RDH16: variants seen among roughly 807,000 people sequenced by gnomAD.
RDH16 encodes the protein human epidermal retinol dehydrogenase.
RDH16 carries 25 observed loss-of-function variants against 22.3 expected under a neutral mutation model. That is an observed-to-expected ratio of 1.12 (90% CI 0.82 to 1.56). The LOEUF is 1.56. Ranked by LOEUF, RDH16 falls within the 40% of genes most tolerant of loss-of-function variation. The pLI is 0.00. For synonymous variants in RDH16, 154 were observed against 164.4 expected (o/e 0.94, Z 0.48); for missense variants, 413 against 394.9 (o/e 1.05, Z -0.39).
Position 56,951,799 on chromosome 12 carries a change from G to T in RDH16, c.*230C>A. 1 of 565,054 alleles carries T rather than the reference G, an allele frequency of 1.8e-6. No individual in the cohort carries two copies. The highest frequency in any genetic ancestry group is 3.2e-6 in the Non-Finnish European group (1 of 315,282). 35.0% of individuals were successfully genotyped at this position (565,054 alleles called of 1,614,324 possible). A position where few individuals can be genotyped will look rare whatever the true frequency, so the allele number is the denominator to read the frequency against. The stretch of plus-strand genomic sequence containing the variant: ...ACCCACGGTGACAATGCACCCAGGA[G>T]CACTATTTGGTCCCTGTTTCTCAGC... On this transcript the variant is annotated 3_prime_UTR_variant, in exon 4 of 4. Transcript: ENST00000398138.
chr12:56,955,348 A>G (rs1408450972), intron 1 of RDH16, among the ~76,000 whole-genome samples, 184 bp from the exon 2 acceptor site: 1 of 152,192 alleles, frequency 6.6e-6, no homozygotes, highest in Non-Finnish European at 1.5e-5. Context: ...CTGGTGGGCC[A>G]CAAAACCCAG....
At position 56,951,959 on chromosome 12, in the gene RDH16, T is replaced by A. The variant is rs141279283; in HGVS notation, c.*70A>T. On this transcript the variant is annotated 3_prime_UTR_variant, in exon 4 of 4. Coordinates refer to ENST00000398138, the MANE Select transcript of RDH16 (RefSeq NM_003708.5). ...GACGGCTCCCTCCCTCCACTTTATA[T>A]CTCTCCCAAGGATACACCACCCCTC... The A allele has an allele frequency of 5.7e-6, 8 of 1,403,502 alleles. No homozygotes were observed. The African/African-American group carries it at 8.5e-5, about 15-fold the overall frequency. The allele number at this position is 1,403,502 out of a possible 1,614,324, so 86.9% of individuals were successfully genotyped here.
At chr12:56,954,041 G>C (rs1326597673) in intron 2 of RDH16, among the ~76,000 whole-genome samples, 1 of 152,164 alleles carries the variant, frequency 6.6e-6, no homozygotes, top group African/African-American at 2.4e-5. Flanking sequence ...AATTCTGCTG[G>C]GAAAGACCAT....
At chr12:56,952,741 A>G in intron 3 of RDH16, 86 bp downstream of exon 3, 2 of 1,478,776 alleles carry the variant, frequency 1.4e-6, no homozygotes, top group Non-Finnish European at 9.1e-7. Context: ...TGGGGATCAA[A>G]CTCTAATGCC....
At chr12:56,952,703 G>C in intron 3 of RDH16, 124 bp downstream of exon 3, 5 of 1,210,506 alleles carry the variant, frequency 4.1e-6, no homozygotes, top group Non-Finnish European at 5.7e-6. Flanking sequence ...GGGGCTAAAG[G>C]TCTCCACTCT....
chr12:56,953,161 C>T lies in RDH16; in HGVS notation c.573-171G>A, dbSNP rs1955898737. Among the ~76,000 whole-genome samples the T allele has an allele frequency of 2.0e-5, 3 of 152,292 alleles. No individual in the cohort carries two copies. In the South Asian group the frequency reaches 6.2e-4, roughly 32 times the overall value. ...GGGTCATAATTATCATGGTGGCATT[C>T]CCTCTGTATGGAGTTTCCATATTTT... On this transcript the variant is annotated intron_variant, in intron 2 of 3. Transcript: ENST00000398138.
At position 56,952,445 on chromosome 12, in the gene RDH16, A is replaced by G. The variant is rs186436594; in HGVS notation, c.737-199T>C. Among the ~76,000 whole-genome samples, 105 of 152,222 alleles carry G rather than the reference A, an allele frequency of 6.9e-4. 1 individual carries two copies. The highest frequency in any genetic ancestry group is 3.1e-3 in the Admixed American group (47 of 15,292). ...AGTAGCAAGTGTCTCACACTAAGTC[A>G]TGTCTGTCTCTCTTTGGGAATATCT... is the stretch of plus-strand genomic sequence containing the variant. On this transcript the variant is annotated intron_variant, in intron 3 of 3. Transcript: ENST00000398138.
At position 56,952,873 on chromosome 12, in the gene RDH16, G is replaced by A. The variant is rs999184629; in HGVS notation, c.690C>T (p.Ser230=). ...CATAGGCCTCCTTGACCTCTGGACTGGACCGGTCCCAAATCTCCAGGAAGC... is the reference window on the plus strand; with the variant it reads ...CATAGGCCTCCTTGACCTCTGGACTAGACCGGTCCCAAATCTCCAGGAAGC... The part of the protein sequence containing the change: ...LKSFLEIWDR[S]SPEVKEAYGE... Residue 230 remains serine (S), a synonymous_variant, in exon 3 of 4, where the codon TCC becomes TCT. Coordinates refer to ENST00000398138, the MANE Select transcript of RDH16 (RefSeq NM_003708.5). 6.2e-6 allele frequency: 10 copies of A among 1,614,066 alleles called. No individual in the cohort carries two copies. The highest frequency in any genetic ancestry group is 8.5e-6 in the Non-Finnish European group (10 of 1,180,018).
chr12:56,957,329 A>G lies in RDH16; in HGVS notation c.134T>C (p.Leu45Pro), dbSNP rs1433945634. Residue 45 changes from leucine (L) to proline (P), a missense_variant, in exon 1 of 4, where the codon CTG becomes CCG. Physicochemically the swap from Leu to Pro is moderately conservative, Grantham distance 98 (BLOSUM62 -3). Transcript: ENST00000398138. The stretch of plus-strand genomic sequence containing the variant: ...GCCTCGTGCATCCAGCTGTCTGGCC[A>G]GCAGTTTCCCGAAGCCAGAGTCACA... Reference protein sequence around the residue: ...TGCDSGFGKLLARQLDARGLR... With the variant: ...TGCDSGFGKLPARQLDARGLR... 2 of 1,614,190 alleles carry G rather than the reference A, an allele frequency of 1.2e-6. No individual in the cohort carries two copies. The highest frequency in any genetic ancestry group is 4.5e-5 in the East Asian group (2 of 44,888).
intron 1 of RDH16, among the ~76,000 whole-genome samples, chr12:56,956,022 C>CA (rs1955925467): frequency 6.6e-6 from 1 of 152,178 alleles, no homozygotes; most frequent in Non-Finnish European, 1.5e-5. Context: ...GGCAGGAGCA[C>CA]AGGGTCCCTT....
At chr12:56,952,702 G>T in intron 3 of RDH16, 125 bp downstream of exon 3, 3 of 1,207,532 alleles carry the variant, frequency 2.5e-6, no homozygotes, top group Non-Finnish European at 3.4e-6. Flanking sequence ...TGGGGCTAAA[G>T]GTCTCCACTC....
intron 2 of RDH16, among the ~76,000 whole-genome samples, chr12:56,954,136 G>GC (rs1955905992): frequency 6.6e-6 from 1 of 152,176 alleles, no homozygotes; most frequent in Non-Finnish European, 1.5e-5. Context: ...GAGAGGAAGA[G>GC]CCCCAGAGCC....
At chr12:56,954,853 C>A (rs1955912142) in intron 2 of RDH16, 53 bp downstream of exon 2, 2 of 1,595,850 alleles carry the variant, frequency 1.3e-6, no homozygotes, top group South Asian at 2.2e-5. Flanking sequence ...AAAAGACTTC[C>A]CCACAAGGAC....
rs186803713 is a variant in RDH16, at chr12:56,955,113, T to C, written c.365A>G (p.Asn122Ser). The change falls in exon 2 of 4, where the codon AAT becomes AGT. Residue 122 changes from asparagine to serine, a missense_variant. By Grantham distance (46) the Asn-to-Ser change is conservative (BLOSUM62 1). Transcript: ENST00000398138. ...GAAGTCCTGCTTGGTGAGCAACTCA[T>C]TGGGAGCCGTGGGCAAGGAGATGCC... Reference protein sequence around the residue: ...NAGISLPTAPNELLTKQDFVT... With the variant: ...NAGISLPTAPSELLTKQDFVT... The C allele has an allele frequency of 3.5e-5, 57 of 1,614,086 alleles. 1 individual carries two copies. In the East Asian group the frequency reaches 4.2e-4, roughly 12 times the overall value.
In RDH16 at chr12:56,955,155, C is replaced by G; in HGVS notation, c.323G>C (p.Gly108Ala). The change falls in exon 2 of 4, where the codon GGC (glycine) becomes GCC (alanine). Residue 108 changes from glycine (G) to alanine (A), a missense_variant. Physicochemically the swap from Gly to Ala is moderately conservative, Grantham distance 60 (BLOSUM62 0). Transcript: ENST00000398138. ...GGAGATGCCAGCATTATTCACCAGGCCCCAGAGTCCTGGGACAGTGGGAAG... is the reference window on the plus strand; with the variant it reads ...GGAGATGCCAGCATTATTCACCAGGGCCCAGAGTCCTGGGACAGTGGGAAG... ...KECVRDKGLWGLVNNAGISLP... is the reference protein window; with the variant it reads ...KECVRDKGLWALVNNAGISLP... 1 of 1,613,994 alleles carries G rather than the reference C, an allele frequency of 6.2e-7. No homozygotes were observed. Among genetic ancestry groups the G allele is most frequent in the Non-Finnish European group, 8.5e-7 (1 of 1,179,986 alleles).
Position 56,951,946 on chromosome 12 carries a change from C to A in RDH16, c.*83G>T. The A allele has an allele frequency of 7.9e-7, 1 of 1,260,152 alleles. No individual in the cohort carries two copies. Among genetic ancestry groups the A allele is most frequent in the Non-Finnish European group, 1.1e-6 (1 of 878,990 alleles). 78.1% of individuals were successfully genotyped at this position (1,260,152 alleles called of 1,614,324 possible). ...GCCCTACTGACCGGACGGCTCCCTC[C>A]CTCCACTTTATATCTCTCCCAAGGA... On this transcript the variant is annotated 3_prime_UTR_variant, in exon 4 of 4. Coordinates refer to ENST00000398138, the MANE Select transcript of RDH16 (RefSeq NM_003708.5).
At chr12:56,955,258 C>T in intron 1 of RDH16, 94 bp from the exon 2 acceptor site, 1 of 1,439,272 alleles carries the variant, frequency 6.9e-7, no homozygotes, top group Non-Finnish European at 9.4e-7. Flanking sequence ...AAAGTGAGGG[C>T]AGACTGACAG....
chr12:56,954,234 C>T (rs538154682), intron 2 of RDH16, among the ~76,000 whole-genome samples: 3 of 152,176 alleles, frequency 2.0e-5, no homozygotes, highest in Non-Finnish European at 1.5e-5. Flanking sequence ...TGTGTGTCCG[C>T]GGCCCTAAGG....
At position 56,957,569 on chromosome 12, in the gene RDH16, C is replaced by G. The variant is rs971094913; in HGVS notation, c.-107G>C. 1.5e-6 allele frequency: 2 copies of G among 1,291,938 alleles called. No homozygotes were observed. The highest frequency in any genetic ancestry group is 2.3e-5 in the Admixed American group (1 of 42,632). 80.0% of individuals were successfully genotyped at this position (1,291,938 alleles called of 1,614,324 possible). A position where few individuals can be genotyped will look rare whatever the true frequency, so the allele number is the denominator to read the frequency against. On this transcript the variant is annotated 5_prime_UTR_variant, in exon 1 of 4. Coordinates refer to ENST00000398138, the MANE Select transcript of RDH16 (RefSeq NM_003708.5). ...CAGAGGGCTGTGGTAGGCAGGGAAG[C>G]CCTCAGGCATTTTGGCAGGGAATCC...
Sources: allele counts gnomAD v4.1 joint callset (sites outside exome capture counted in the v4.1 genomes callset), GRCh38; gene constraint gnomAD v4.1.1; transcripts MANE v1.5; gene names NCBI Gene and HGNC (gene_info 2026-07-23, HGNC 2026-07-21).